Variants in FOXP1 observed in about 807,000 individuals in gnomAD.
FOXP1 encodes the protein forkhead box P1.
FOXP1 carries 15 observed loss-of-function variants against 98.2 expected under a neutral mutation model. The ratio of observed to expected loss-of-function variants is 0.15; its 90% CI spans 0.10 to 0.24. The LOEUF (loss-of-function observed/expected upper bound fraction) is 0.24, where lower values mean the gene tolerates loss of function less well. Among genes scored for constraint, FOXP1 ranks in the 10% least tolerant of loss-of-function variants. FOXP1 has a pLI of 1.00. For synonymous variants in FOXP1, 371 were observed against 314.5 expected (o/e 1.18, Z -1.90); for missense variants, 633 against 848.5 (o/e 0.75, Z 3.15).
chr3:71,053,548 G>A, intron 8 of FOXP1, 88 bp downstream of exon 8: 1 of 1,526,628 alleles, frequency 6.6e-7, no homozygotes, highest in South Asian at 1.1e-5. Flanking sequence ...CAAAGGAGCT[G>A]CTCTGGTGGA....
intron 2 of FOXP1, among the ~76,000 whole-genome samples, chr3:71,552,650 A>G (rs952482070): frequency 1.3e-5 from 2 of 152,072 alleles, no homozygotes; most frequent in Non-Finnish European, 1.5e-5. Context: ...GATATTAAAC[A>G]TATTATAAAG....
chr3:71,068,639 G>C (rs1431583664), intron 7 of FOXP1, among the ~76,000 whole-genome samples: 1 of 152,196 alleles, frequency 6.6e-6, no homozygotes, highest in African/African-American at 2.4e-5. Flanking sequence ...AACAACACTT[G>C]TGTTAACACA....
intron 5 of FOXP1, among the ~76,000 whole-genome samples, chr3:71,282,007 C>T (rs968363775): frequency 6.6e-5 from 10 of 151,158 alleles, no homozygotes; most frequent in Non-Finnish European, 1.3e-4. Context: ...ACTCAAGAGG[C>T]TGAGAGGGGA....
intron 3 of FOXP1, among the ~76,000 whole-genome samples, chr3:71,476,103 G>A (rs1483731750): frequency 6.6e-6 from 1 of 152,130 alleles, no homozygotes; most frequent in Non-Finnish European, 1.5e-5. Flanking sequence ...TCACTAGTGT[G>A]TTAAGTGACT....
chr3:71,579,625 C>CTT (rs2047996009), intron 2 of FOXP1, among the ~76,000 whole-genome samples: 1 of 104,308 alleles, frequency 9.6e-6, no homozygotes, highest in African/African-American at 3.8e-5. Flanking sequence ...TCTTTTTTTT[C>CTT]TTTTTTCTTT....
chr3:71,149,349 G>A (rs1212925927), intron 6 of FOXP1, among the ~76,000 whole-genome samples: 1 of 152,160 alleles, frequency 6.6e-6, no homozygotes, highest in Non-Finnish European at 1.5e-5. Flanking sequence ...GTATTTAATA[G>A]AGTCTAAAGT....
At chr3:71,198,782 T>G (rs1191543165) in intron 5 of FOXP1, among the ~76,000 whole-genome samples, 1 of 151,750 alleles carries the variant, frequency 6.6e-6, no homozygotes, top group African/African-American at 2.4e-5. Flanking sequence ...AACCTCCACC[T>G]CCCGGGTTCA....
At chr3:71,383,317 C>T (rs2080317271) in intron 3 of FOXP1, among the ~76,000 whole-genome samples, 1 of 152,166 alleles carries the variant, frequency 6.6e-6, no homozygotes, top group Non-Finnish European at 1.5e-5. Flanking sequence ...TAAAGAATGA[C>T]ATATAAAGTG....
chr3:71,138,197 G>A (rs1294657386), intron 6 of FOXP1, among the ~76,000 whole-genome samples: 1 of 152,134 alleles, frequency 6.6e-6, no homozygotes, highest in Non-Finnish European at 1.5e-5. Context: ...GAACACACGT[G>A]GAGGAAGAAG....
intron 2 of FOXP1, among the ~76,000 whole-genome samples, chr3:71,540,492 G>A (rs1486330821): frequency 1.3e-5 from 2 of 152,144 alleles, no homozygotes; most frequent in Admixed American, 1.3e-4. Flanking sequence ...TGTTGTCAAG[G>A]GTAACAGATA....
chr3:71,403,769 T>A (rs1158955455), intron 3 of FOXP1, among the ~76,000 whole-genome samples: 1 of 152,126 alleles, frequency 6.6e-6, no homozygotes, highest in Non-Finnish European at 1.5e-5. Context: ...CAAGATTGTT[T>A]GGGCCCAAGA....
chr3:71,236,069 A>G (rs2066747943), intron 5 of FOXP1, among the ~76,000 whole-genome samples: 1 of 152,350 alleles, frequency 6.6e-6, no homozygotes, highest in Admixed American at 6.5e-5. Context: ...AGAATCACCT[A>G]GGAACATTCA....
At chr3:71,484,785 G>A (rs1421947442) in intron 3 of FOXP1, among the ~76,000 whole-genome samples, 1 of 152,116 alleles carries the variant, frequency 6.6e-6, no homozygotes, top group Non-Finnish European at 1.5e-5. Flanking sequence ...TATTTAATGC[G>A]CTTCCCAGGC....
chr3:71,273,734 TA>T (rs1239431804), intron 5 of FOXP1, among the ~76,000 whole-genome samples: 1 of 151,688 alleles, frequency 6.6e-6, no homozygotes, highest in Non-Finnish European at 1.5e-5. Context: ...GGGAGAGAAA[TA>T]AATAACAATA....
intron 5 of FOXP1, among the ~76,000 whole-genome samples, chr3:71,290,231 A>AGG (rs2072603138): frequency 6.6e-6 from 1 of 152,192 alleles, no homozygotes; most frequent in Non-Finnish European, 1.5e-5. Context: ...TCAGTTCCTT[A>AGG]GAACAGAAAG....
intron 2 of FOXP1, among the ~76,000 whole-genome samples, chr3:71,530,263 G>C (rs1445484919): frequency 1.3e-5 from 2 of 152,116 alleles, no homozygotes; most frequent in African/African-American, 2.4e-5. Context: ...GTCACCTCGG[G>C]AGTGGGTTCA....
chr3:71,412,279 T>C (rs188804594), intron 3 of FOXP1, among the ~76,000 whole-genome samples: 49 of 152,274 alleles, frequency 3.2e-4, no homozygotes, highest in Admixed American at 5.2e-4. Context: ...TGGAACTCCA[T>C]GAGGGCTCAA....
At chr3:71,134,798 TTAAC>T (rs1215912465) in intron 6 of FOXP1, among the ~76,000 whole-genome samples, 3 of 152,266 alleles carry the variant, frequency 2.0e-5, no homozygotes, top group South Asian at 2.1e-4. Flanking sequence ...TATGAAAACT[TTAAC>T]TATATAAGCT....
At chr3:71,340,135 CT>C (rs1412393983) in intron 4 of FOXP1, among the ~76,000 whole-genome samples, 1 of 152,200 alleles carries the variant, frequency 6.6e-6, no homozygotes, top group East Asian at 1.9e-4. Flanking sequence ...AGATAACCCC[CT>C]GCCCCCCTAT....
Sources: gnomAD v4.1 joint callset for allele counts (sites outside exome capture counted in the v4.1 genomes callset) on GRCh38, gnomAD v4.1.1 for gene constraint, MANE v1.5 for transcripts, NCBI Gene and HGNC (gene_info 2026-07-23, HGNC 2026-07-21) for gene names.